CLNK: variants seen among roughly 807,000 people sequenced by gnomAD.
CLNK encodes cytokine-dependent hematopoietic cell linker.
In CLNK, 74 loss-of-function variants were observed where a neutral mutation model predicts 68.6. That is an observed-to-expected ratio of 1.08 (90% confidence interval 0.89 to 1.31). The LOEUF is 1.31. Among genes scored for constraint, CLNK ranks in the 50% most tolerant of loss-of-function variants. The pLI, the probability that CLNK is intolerant of heterozygous loss-of-function variation, is 0.00. For synonymous variants in CLNK, 198 were observed against 172.2 expected (o/e 1.15, Z -1.17); for missense variants, 553 against 515.3 (o/e 1.07, Z -0.71).
rs187757145 is a variant in CLNK at position 10,670,706 on chromosome 4, T to C, written c.-42-2795A>G. ...TTCAGCTCAAAGAAATGGAAATAGT[T>C]TCATTAAAAAAAAATACAATCCATC... On this transcript the variant is annotated intron_variant, in intron 1 of 18. Coordinates refer to ENST00000226951, the MANE Select transcript of CLNK (RefSeq NM_052964.4). Among the ~76,000 whole-genome samples the C allele has an allele frequency of 1.1e-4, 14 of 132,802 alleles. No homozygotes were observed. The South Asian group carries it at 2.4e-3, about 23-fold the overall frequency. 87.1% of individuals were successfully genotyped at this position (132,802 alleles called of 152,430 possible).
intron 13 of CLNK, among the ~76,000 whole-genome samples, chr4:10,526,724 C>T (rs1460863211): frequency 6.6e-6 from 1 of 152,138 alleles, no homozygotes; most frequent in Non-Finnish European, 1.5e-5. Flanking sequence ...ATTTTTTCCC[C>T]CCTCGATCAT....
intron 2 of CLNK, among the ~76,000 whole-genome samples, chr4:10,632,109 A>C (rs1486221548): frequency 1.3e-5 from 2 of 151,974 alleles, no homozygotes; most frequent in Admixed American, 6.6e-5. Context: ...CCAAAACGTA[A>C]CTCTTAACAT....
At chr4:10,550,439 G>C (rs1013166799) in intron 8 of CLNK, among the ~76,000 whole-genome samples, 1 of 152,104 alleles carries the variant, frequency 6.6e-6, no homozygotes, top group Non-Finnish European at 1.5e-5. Flanking sequence ...AGCTTGCAGT[G>C]AGCCAAGATC....
intron 1 of CLNK, among the ~76,000 whole-genome samples, chr4:10,671,257 G>C (rs1215627578): frequency 6.6e-6 from 1 of 152,014 alleles, no homozygotes; most frequent in Admixed American, 6.5e-5. Flanking sequence ...ATGGTGGTGG[G>C]CGCCTATAAT....
chr4:10,723,919 A>AGAGAGAGAGAGAGACAGAGAGAG, the CLNK span, among the ~76,000 whole-genome samples: 1 of 148,030 alleles, frequency 6.8e-6, no homozygotes, highest in East Asian at 2.0e-4. Context: ...AGAGAGAGAG[A>AGAGAGAGAGAGAGACAGAGAGAG]AGGCAGGGCA....
At position 10,658,769 on chromosome 4, in the gene CLNK, G is replaced by A. The variant is rs116191403; in HGVS notation, c.11+9090C>T. On this transcript the variant is annotated intron_variant, in intron 2 of 18. Coordinates refer to ENST00000226951, the MANE Select transcript of CLNK (RefSeq NM_052964.4). The stretch of plus-strand genomic sequence containing the variant: ...CACAGTGTCCCTTCTGTCACACTCT[G>A]TTGGTCAAAACTGCTGTAGGCCCAT... Among the ~76,000 whole-genome samples the A allele has an allele frequency of 2.0e-5, 3 of 152,220 alleles. No homozygotes were observed. In the South Asian group the frequency reaches 6.2e-4, roughly 31 times the overall value.
intron 2 of CLNK, among the ~76,000 whole-genome samples, chr4:10,637,456 G>A (rs950871423): frequency 5.2e-5 from 3 of 57,556 alleles, no homozygotes; most frequent in African/African-American, 8.7e-5. Context: ...TTTTTTTTTG[G>A]CAGGGTTGTT....
the CLNK span, among the ~76,000 whole-genome samples, chr4:10,730,459 T>C: frequency 6.6e-6 from 1 of 152,218 alleles, no homozygotes; most frequent in Admixed American, 6.5e-5. Flanking sequence ...GCTGGATAAA[T>C]ATAATGACCT....
the CLNK span, among the ~76,000 whole-genome samples, chr4:10,702,552 A>G: frequency 6.6e-6 from 1 of 152,248 alleles, no homozygotes; most frequent in Non-Finnish European, 1.5e-5. Flanking sequence ...TAGAAGCACT[A>G]ACTAAGAGCA....
At chr4:10,503,041 C>T (rs1717119759) in intron 17 of CLNK, among the ~76,000 whole-genome samples, 1 of 152,182 alleles carries the variant, frequency 6.6e-6, no homozygotes, top group Non-Finnish European at 1.5e-5. Context: ...ATGGAGCAGT[C>T]CTCCTGAACG....
chr4:10,548,676 C>T (rs149092525), intron 8 of CLNK, among the ~76,000 whole-genome samples: 3 of 152,144 alleles, frequency 2.0e-5, no homozygotes, highest in African/African-American at 7.2e-5. Flanking sequence ...AAATTGATTT[C>T]CTTGCATGGT....
the CLNK span, among the ~76,000 whole-genome samples, chr4:10,714,577 A>G: frequency 6.6e-6 from 1 of 152,260 alleles, no homozygotes; most frequent in East Asian, 1.9e-4. Flanking sequence ...TATTGTTTTG[A>G]TTTAAACAAA....
the CLNK span, among the ~76,000 whole-genome samples, chr4:10,733,709 C>T: frequency 6.6e-6 from 1 of 152,216 alleles, no homozygotes; most frequent in African/African-American, 2.4e-5. Context: ...TCTTCTTTTG[C>T]TGGCTGTAGT....
intron 8 of CLNK, among the ~76,000 whole-genome samples, chr4:10,548,235 C>T (rs1719312361): frequency 1.3e-5 from 2 of 152,082 alleles, no homozygotes; most frequent in South Asian, 4.1e-4. Flanking sequence ...CTCTGAGTTG[C>T]ATTTCCTTCA....
chr4:10,519,880 C>T (rs146516173), intron 15 of CLNK, among the ~76,000 whole-genome samples: 2,274 of 152,072 alleles, frequency 0.015, 24 homozygotes, highest in South Asian at 0.027. Flanking sequence ...GTTAACATTA[C>T]TACTTGAATT....
the CLNK span, among the ~76,000 whole-genome samples, chr4:10,725,689 TAAA>T: frequency 6.6e-6 from 1 of 151,904 alleles, no homozygotes; most frequent in African/African-American, 2.4e-5. Context: ...CCTTCTCTAC[TAAA>T]AAAGTACAAA....
At chr4:10,606,584 C>A (rs1439868507) in intron 2 of CLNK, among the ~76,000 whole-genome samples, 1 of 152,160 alleles carries the variant, frequency 6.6e-6, no homozygotes, top group Non-Finnish European at 1.5e-5. Flanking sequence ...TATATGCTGG[C>A]AGCACAGTTT....
At chr4:10,727,386 G>A in the CLNK span, among the ~76,000 whole-genome samples, 1 of 152,226 alleles carries the variant, frequency 6.6e-6, no homozygotes, top group Non-Finnish European at 1.5e-5. Flanking sequence ...GTTACCAGCA[G>A]GGTGGAGTGA....
chr4:10,492,679 G>A (rs1478596079), intron 18 of CLNK, among the ~76,000 whole-genome samples: 1 of 152,096 alleles, frequency 6.6e-6, no homozygotes, highest in Non-Finnish European at 1.5e-5. Flanking sequence ...TGACTTCCAG[G>A]GTCATCTCCT....
Sources: gnomAD v4.1 joint callset for allele counts (sites outside exome capture counted in the v4.1 genomes callset) on GRCh38, gnomAD v4.1.1 for gene constraint, MANE v1.5 for transcripts, NCBI Gene and HGNC (gene_info 2026-07-23, HGNC 2026-07-21) for gene names.